Variants in RNF17 observed in about 807,000 individuals in gnomAD.
RNF17 encodes ring finger protein 17, also known as spermatogenesis associated 23.
In RNF17, 31 loss-of-function variants were observed where a neutral mutation model predicts 200.5. That is an observed-to-expected ratio of 0.15 (90% CI 0.12 to 0.21). The LOEUF is 0.21. RNF17 is among the 10% of genes least tolerant of loss of function. The pLI, the probability that RNF17 is intolerant of heterozygous loss-of-function variation, is 1.00. For missense variants in RNF17, 1,628 were observed against 1,905.1 expected (o/e 0.85, Z 2.71); for synonymous variants, 606 against 637.8 (o/e 0.95, Z 0.75).
chr13:24,883,919 G>C, downstream of RNF17: 1 of 1,612,828 alleles, frequency 6.2e-7, no homozygotes, highest in Non-Finnish European at 8.5e-7. Flanking sequence ...AGATGAACAG[G>C]TGTCACACTG....
At chr13:24,813,513 A>T (rs1764118260) in intron 15 of RNF17, among the ~76,000 whole-genome samples, 1 of 152,288 alleles carries the variant, frequency 6.6e-6, no homozygotes, top group East Asian at 1.9e-4. Flanking sequence ...AGGAGTTTTC[A>T]TGTATTCTAG....
intron 22 of RNF17, among the ~76,000 whole-genome samples, chr13:24,849,448 T>TTTTTG (rs1891608199): frequency 6.6e-6 from 1 of 152,168 alleles, no homozygotes. Context: ...TTTTTTGAGT[T>TTTTTG]TTTTGTTTTG....
At chr13:24,868,043 A>G (rs980087298) in intron 30 of RNF17, among the ~76,000 whole-genome samples, 3 of 152,190 alleles carry the variant, frequency 2.0e-5, no homozygotes, top group Non-Finnish European at 4.4e-5. Context: ...TATGCACATC[A>G]ATAAACATTC....
At chr13:24,857,587 A>AAGTTTGG (rs1892654026) in intron 25 of RNF17, among the ~76,000 whole-genome samples, 2 of 152,170 alleles carry the variant, frequency 1.3e-5, no homozygotes, top group Non-Finnish European at 2.9e-5. Flanking sequence ...TCACTTACAC[A>AAGTTTGG]AGTTTGGAGG....
At chr13:24,768,823 G>A (rs1220415692) in intron 2 of RNF17, among the ~76,000 whole-genome samples, 3 of 151,776 alleles carry the variant, frequency 2.0e-5, no homozygotes, top group Non-Finnish European at 2.9e-5. Flanking sequence ...TAAGCTTCCA[G>A]ACTACTAAAA....
chr13:24,802,256 A>T, intron 13 of RNF17, 125 bp from the exon 14 acceptor site: 1 of 772,858 alleles, frequency 1.3e-6, no homozygotes, highest in Non-Finnish European at 2.0e-6. Flanking sequence ...GCTGTTTCCT[A>T]ATGTCTGCGG....
At position 24,795,581 on chromosome 13, in the gene RNF17, CA is replaced by C. The variant is rs558534615; in HGVS notation, c.1241-555del. On this transcript the variant is annotated intron_variant, in intron 10 of 35. Coordinates refer to ENST00000255324, the MANE Select transcript of RNF17 (RefSeq NM_031277.3). ...TACCTCTACTCACCCCACCAAAAAG[CA>C]CACGCATTCCCCTAAATGCTGCTCA... is the stretch of plus-strand genomic sequence containing the variant. 2.2e-3 allele frequency among the ~76,000 whole-genome samples: 334 copies of C among 152,262 alleles called. 1 individual carries two copies. Among genetic ancestry groups the C allele is most frequent in the Non-Finnish European group, 3.6e-3 (248 of 68,026 alleles).
chr13:24,840,683 TA>T (rs1890531619), intron 18 of RNF17, among the ~76,000 whole-genome samples: 1 of 151,372 alleles, frequency 6.6e-6, no homozygotes, highest in Non-Finnish European at 1.5e-5. Context: ...TTCTCACTGA[TA>T]TGTGGGAGCT....
the RNF17 span, among the ~76,000 whole-genome samples, chr13:24,749,305 TTC>T: frequency 1.5e-5 from 1 of 66,394 alleles, no homozygotes; most frequent in African/African-American, 5.3e-5. Context: ...CTTTCTTTCT[TTC>T]TTTTTTTTTT....
chr13:24,765,013 TTTA>T (rs200833698), intron 1 of RNF17, among the ~76,000 whole-genome samples: 2,459 of 151,770 alleles, frequency 0.016, 74 homozygotes, highest in African/African-American at 0.056. Flanking sequence ...GTTCAAGTTA[TTTA>T]TTATTATTTT....
chr13:24,826,877 A>T (rs1055253878), intron 16 of RNF17, among the ~76,000 whole-genome samples: 5 of 151,852 alleles, frequency 3.3e-5, no homozygotes, highest in African/African-American at 1.2e-4. Context: ...CCTGACCAAC[A>T]TGGAGAAACG....
chr13:24,832,064 C>A, intron 18 of RNF17, 86 bp downstream of exon 18: 1 of 964,418 alleles, frequency 1.0e-6, no homozygotes, highest in Non-Finnish European at 1.5e-6. Context: ...AGAATAAATT[C>A]AGTGTGCCAT....
intron 13 of RNF17, 107 bp downstream of exon 13, chr13:24,800,641 A>G: frequency 1.3e-6 from 1 of 799,698 alleles, no homozygotes; most frequent in Non-Finnish European, 1.9e-6. Context: ...TAATCTTGAT[A>G]AATACATAGT....
intron 15 of RNF17, 130 bp downstream of exon 15, chr13:24,804,559 A>G: frequency 3.2e-6 from 2 of 624,430 alleles, no homozygotes; most frequent in Non-Finnish European, 5.2e-6. Context: ...CTATACGTTT[A>G]AATTTCTTAG....
At chr13:24,798,214 C>T (rs1884833838) in intron 11 of RNF17, among the ~76,000 whole-genome samples, 1 of 152,118 alleles carries the variant, frequency 6.6e-6, no homozygotes, top group Admixed American at 6.5e-5. Flanking sequence ...CAGAAATACA[C>T]GTAGAAACTT....
intron 16 of RNF17, 68 bp downstream of exon 16, chr13:24,825,840 A>C: frequency 6.7e-7 from 1 of 1,502,232 alleles, no homozygotes. Flanking sequence ...TTGAGTTGGT[A>C]CCAATTCAAT....
chr13:24,795,077 CT>C (rs1391562699), intron 10 of RNF17, among the ~76,000 whole-genome samples: 1 of 152,118 alleles, frequency 6.6e-6, no homozygotes, highest in African/African-American at 2.4e-5. Context: ...ATGTGTTTAT[CT>C]TTTTACCCCA....
At chr13:24,822,622 T>C (rs891200469) in intron 15 of RNF17, among the ~76,000 whole-genome samples, 1 of 152,144 alleles carries the variant, frequency 6.6e-6, no homozygotes, top group Non-Finnish European at 1.5e-5. Context: ...GGTTTCGCCA[T>C]GTTGGCCTGG....
chr13:24,830,636 CA>C lies in RNF17; in HGVS notation c.2361+38del. 2.3e-6 allele frequency: 3 copies of C among 1,312,814 alleles called. No individual in the cohort carries two copies. In the East Asian group the frequency reaches 6.9e-5, roughly 30 times the overall value. 81.3% of individuals were successfully genotyped at this position (1,312,814 alleles called of 1,614,324 possible). ...ATTATGAATTCTAGGGCTAGAATAT[CA>C]GCACAAATATGGAAGTATTTTTAGA... On this transcript the variant is annotated intron_variant, in intron 17 of 35. Coordinates refer to ENST00000255324, the MANE Select transcript of RNF17 (RefSeq NM_031277.3).
Sources: gnomAD v4.1 joint callset for allele counts (sites outside exome capture counted in the v4.1 genomes callset) on GRCh38, gnomAD v4.1.1 for gene constraint, MANE v1.5 for transcripts, NCBI Gene and HGNC (gene_info 2026-07-23, HGNC 2026-07-21) for gene names.